The following ZMIZ1 variants were observed in gnomAD, a reference collection of about 807,000 sequenced individuals.
The protein encoded by ZMIZ1 is zinc finger MIZ-type containing 1.
In ZMIZ1, 17 loss-of-function variants were observed where a neutral mutation model predicts 113.9. The ratio of observed to expected loss-of-function variants is 0.15; its 90% CI spans 0.10 to 0.22. The LOEUF is 0.22. Ranked by LOEUF, ZMIZ1 falls within the 10% of genes least tolerant of loss-of-function variation. The pLI is 1.00. For synonymous variants in ZMIZ1, 607 were observed against 603.1 expected, an observed-to-expected ratio of 1.01 and a Z score of -0.09; for missense variants, 1,059 against 1,477.8, an observed-to-expected ratio of 0.72 and a Z score of 4.65.
chr10:79,162,257 C>T lies in ZMIZ1; in HGVS notation c.-50+124C>T, dbSNP rs554615029. Reference sequence around the variant, plus strand: ...GGGCCTCAGCCCTGAGGGGCAGGAGCGGGCACAAGCCACCTTTGCTGGGAC... The same window carrying T: ...GGGCCTCAGCCCTGAGGGGCAGGAGTGGGCACAAGCCACCTTTGCTGGGAC... On this transcript the variant is annotated intron_variant, in intron 4 of 24. Transcript: ENST00000334512. 26 of 396,704 alleles carry T rather than the reference C, an allele frequency of 6.6e-5. No homozygotes were observed. In the Middle Eastern group the frequency reaches 3.8e-3, roughly 58 times the overall value. 24.6% of individuals were successfully genotyped at this position (396,704 alleles called of 1,614,324 possible).
rs1319017829 is a variant in ZMIZ1, at chr10:79,175,625, TGTGTGG to T, written c.-50+13493_-50+13498del. ...GTGTGTGTGTGTGTGTGTGTGTGTGTGTGTGGAGGTTTTTACAGACCCGCATGTATG... is the reference window on the plus strand; with the variant it reads ...GTGTGTGTGTGTGTGTGTGTGTGTGTAGGTTTTTACAGACCCGCATGTATG... On this transcript the variant is annotated intron_variant, in intron 4 of 24. Transcript: ENST00000334512. 4.0e-5 allele frequency among the ~76,000 whole-genome samples: 4 copies of T among 99,340 alleles called. 1 individual carries two copies. The Admixed American group carries it at 4.1e-4, about 10-fold the overall frequency. The allele number at this position is 99,340 out of a possible 152,430, so 65.2% of individuals were successfully genotyped here.
chr10:79,141,130 C>G (rs988155030), intron 3 of ZMIZ1, among the ~76,000 whole-genome samples: 3 of 152,104 alleles, frequency 2.0e-5, no homozygotes, highest in Admixed American at 6.5e-5. Context: ...CATGACGACA[C>G]AGGGGACGAG....
chr10:79,226,212 A>G (rs1194346530), intron 7 of ZMIZ1, among the ~76,000 whole-genome samples: 1 of 152,018 alleles, frequency 6.6e-6, no homozygotes, highest in Non-Finnish European at 1.5e-5. Context: ...TAAGGGGAAA[A>G]TAGAGGCTCT....
intron 7 of ZMIZ1, among the ~76,000 whole-genome samples, chr10:79,253,900 ACG>A (rs1850711641): frequency 1.3e-5 from 2 of 152,134 alleles, no homozygotes. Context: ...ACATGCTGAC[ACG>A]CACACTCACA....
chr10:79,149,850 C>T (rs1845641491), intron 3 of ZMIZ1, among the ~76,000 whole-genome samples: 1 of 152,224 alleles, frequency 6.6e-6, no homozygotes, highest in Non-Finnish European at 1.5e-5. Flanking sequence ...CAATCAGGGG[C>T]CCCCGCTCAG....
At chr10:79,217,149 C>T (rs1181589401) in intron 7 of ZMIZ1, among the ~76,000 whole-genome samples, 2 of 152,168 alleles carry the variant, frequency 1.3e-5, no homozygotes, top group African/African-American at 2.4e-5. Flanking sequence ...GCAGGCCGGG[C>T]GCGGTGGCTC....
At chr10:79,272,265 G>A (rs1394647876) in intron 7 of ZMIZ1, among the ~76,000 whole-genome samples, 2 of 151,742 alleles carry the variant, frequency 1.3e-5, no homozygotes, top group Non-Finnish European at 2.9e-5. Context: ...CAGCCTGGGT[G>A]ACAGAACAAG....
At chr10:79,276,526 C>CT (rs1852303302) in intron 7 of ZMIZ1, among the ~76,000 whole-genome samples, 1 of 152,162 alleles carries the variant, frequency 6.6e-6, no homozygotes, top group African/African-American at 2.4e-5. Context: ...TGGCCACCCT[C>CT]TGCTCTGGAC....
chr10:79,136,115 C>A (rs952882398), intron 2 of ZMIZ1, among the ~76,000 whole-genome samples: 1 of 152,228 alleles, frequency 6.6e-6, no homozygotes, highest in Non-Finnish European at 1.5e-5. Context: ...TCTGCCCCAC[C>A]CCTCCAGAAG....
chr10:79,277,251 C>T lies in ZMIZ1; in HGVS notation c.351C>T (p.Ser117=), dbSNP rs373895979. ...LLLRHQKSRQ[S]DPPGKLPMQP... ...TCCGACATCAGAAGAGCCGCCAGAG[C>T]GATCCCCCTGGGAAACTCCCCATGC... Residue 117 remains serine, a synonymous_variant, in exon 8 of 25, where the codon AGC becomes AGT. Transcript: ENST00000334512. 4.8e-5 allele frequency: 76 copies of T among 1,590,744 alleles called. 1 individual carries two copies. Among genetic ancestry groups the T allele is most frequent in the Middle Eastern group, 3.3e-4 (2 of 5,988 alleles).
Position 79,302,986 on chromosome 10 carries a change from C to T in ZMIZ1, c.2125+774C>T, listed in dbSNP as rs368173089. Among the ~76,000 whole-genome samples, 9 of 152,006 alleles carry T rather than the reference C, an allele frequency of 5.9e-5. No homozygotes were observed. The East Asian group carries it at 1.6e-3, about 26-fold the overall frequency. ...ACGCCATTCTCCTGCCTCAGCCTCC[C>T]GAGTAGCTGGGACTACAGGCGCCCA... On this transcript the variant is annotated intron_variant, in intron 18 of 24. Transcript: ENST00000334512.
chr10:79,246,640 A>C (rs1414376622), intron 7 of ZMIZ1, among the ~76,000 whole-genome samples: 1 of 152,132 alleles, frequency 6.6e-6, no homozygotes, highest in Non-Finnish European at 1.5e-5. Context: ...GCCCCGCCAC[A>C]CCGTGTCACA....
intron 11 of ZMIZ1, chr10:79,292,715 G>A: frequency 2.1e-6 from 1 of 475,750 alleles, no homozygotes; most frequent in Non-Finnish European, 4.2e-6. Flanking sequence ...CTTGTGACCG[G>A]TCTGTCTCCT....
intron 4 of ZMIZ1, among the ~76,000 whole-genome samples, chr10:79,197,631 C>CAT (rs1847895287): frequency 6.7e-6 from 1 of 150,310 alleles, no homozygotes; most frequent in Non-Finnish European, 1.5e-5. Flanking sequence ...CACACACACA[C>CAT]ACACACACAC....
intron 3 of ZMIZ1, among the ~76,000 whole-genome samples, chr10:79,153,827 C>T (rs1384044314): frequency 6.6e-6 from 1 of 152,252 alleles, no homozygotes; most frequent in Admixed American, 6.5e-5. Context: ...CTAGCAAGAA[C>T]AGGACTTTCC....
intron 5 of ZMIZ1, among the ~76,000 whole-genome samples, chr10:79,204,376 G>A (rs956630038): frequency 6.6e-6 from 1 of 152,122 alleles, no homozygotes; most frequent in Non-Finnish European, 1.5e-5. Flanking sequence ...TCTGCAACAT[G>A]CCCTTCTCAG....
At chr10:79,072,563 G>A (rs749880223) in intron 1 of ZMIZ1, among the ~76,000 whole-genome samples, 1 of 152,216 alleles carries the variant, frequency 6.6e-6, no homozygotes, top group African/African-American at 2.4e-5. Flanking sequence ...AGGGTCCAAC[G>A]AGTGGCCATG....
chr10:79,114,331 T>C (rs1288523098), intron 1 of ZMIZ1, among the ~76,000 whole-genome samples: 1 of 152,268 alleles, frequency 6.6e-6, no homozygotes, highest in African/African-American at 2.4e-5. Context: ...GTCTCCGGTT[T>C]AGCGGGCTAA....
At chr10:79,301,037 C>CT in intron 17 of ZMIZ1, 95 bp downstream of exon 17, 1 of 1,511,380 alleles carries the variant, frequency 6.6e-7, no homozygotes, top group Non-Finnish European at 8.9e-7. Flanking sequence ...GGTCCTCAGC[C>CT]TTGTCCCTGC....
Sources: allele counts gnomAD v4.1 joint callset (sites outside exome capture counted in the v4.1 genomes callset), GRCh38; gene constraint gnomAD v4.1.1; transcripts MANE v1.5; gene names NCBI Gene and HGNC (gene_info 2026-07-23, HGNC 2026-07-21).